The following ZDHHC3 variants were observed in gnomAD, a reference collection of about 807,000 sequenced individuals.
The protein encoded by ZDHHC3 is zDHHC palmitoyltransferase 3.
Under a neutral mutation model 30.6 loss-of-function variants are expected in ZDHHC3, and 9 were observed. The ratio of observed to expected loss-of-function variants is 0.29; its 90% confidence interval spans 0.18 to 0.51. ZDHHC3 has a LOEUF of 0.51. ZDHHC3 is among the 20% of genes least tolerant of loss of function. ZDHHC3 has a pLI of 0.97. For missense variants in ZDHHC3, 246 were observed against 384.2 expected (o/e 0.64, Z 3.01); for synonymous variants, 136 against 140.2 (o/e 0.97, Z 0.21).
At chr3:44,975,054 A>ATTT (rs75953495) in intron 1 of ZDHHC3, among the ~76,000 whole-genome samples, 15 of 144,596 alleles carry the variant, frequency 1.0e-4, no homozygotes, top group South Asian at 2.2e-4. Flanking sequence ...GATAAATACC[A>ATTT]TTTTTTTTTT....
chr3:44,936,785 G>GA (rs1246693612), intron 3 of ZDHHC3, among the ~76,000 whole-genome samples: 1 of 152,080 alleles, frequency 6.6e-6, no homozygotes, highest in Admixed American at 6.5e-5. Context: ...CCTGGGTGAT[G>GA]AAATAATATG....
rs1369664513 is a variant in ZDHHC3, at chr3:44,965,092, T to C, written c.-24-5632A>G. 7.2e-5 allele frequency among the ~76,000 whole-genome samples: 11 copies of C among 152,012 alleles called. No homozygotes were observed. In the South Asian group the frequency reaches 1.2e-3, roughly 17 times the overall value. On this transcript the variant is annotated intron_variant, in intron 1 of 6. Transcript: ENST00000424952. ...TGTCAAAATGATGATCTGAGCTCTG[T>C]GAGGGGCAGTGTGTGGGAAGTCAAA...
At position 44,919,111 on chromosome 3, in the gene ZDHHC3, TA is replaced by T. The variant is rs1700418097; in HGVS notation, c.*7577del. 1 of 984,864 alleles carries T rather than the reference TA, an allele frequency of 1.0e-6. No homozygotes were observed. The highest frequency in any genetic ancestry group is 1.2e-6 in the Non-Finnish European group (1 of 829,458). The allele number at this position is 984,864 out of a possible 1,614,324, so 61.0% of individuals were successfully genotyped here. On this transcript the variant is annotated 3_prime_UTR_variant, in exon 7 of 7. Coordinates refer to ENST00000424952, the MANE Select transcript of ZDHHC3 (RefSeq NM_001135179.2). ...CTTGACTTTTGAATAAATTCTAAGT[TA>T]AAAAAATTGGATCTCAAAAGTATAT...
At chr3:44,935,832 A>G (rs1701915098) in intron 3 of ZDHHC3, among the ~76,000 whole-genome samples, 1 of 152,126 alleles carries the variant, frequency 6.6e-6, no homozygotes, top group Admixed American at 6.5e-5. Context: ...TTGATGCTGG[A>G]CCCCTTCCTT....
rs116850602 is a variant in ZDHHC3, at chr3:44,915,960, G to C, written c.*10729C>G. Reference sequence around the variant, plus strand: ...TGCTTCTGGGTTAGGACAACAAATAGGGGGCCCTACAGTCAGAGCAGCTCT... The same window carrying C: ...TGCTTCTGGGTTAGGACAACAAATACGGGGCCCTACAGTCAGAGCAGCTCT... On this transcript the variant is annotated 3_prime_UTR_variant, in exon 7 of 7. Transcript: ENST00000424952. 6.6e-6 allele frequency: 1 copy of C among 152,192 alleles called. No homozygotes were observed. The highest frequency in any genetic ancestry group is 2.4e-5 in the African/African-American group (1 of 41,444). The allele number at this position is 152,192 out of a possible 1,614,324, so 9.4% of individuals were successfully genotyped here. A position where few individuals can be genotyped will look rare whatever the true frequency, so the allele number is the denominator to read the frequency against.
Position 44,921,625 on chromosome 3 carries a change from A to G in ZDHHC3, c.*5064T>C. The G allele has an allele frequency of 1.0e-6, 1 of 984,682 alleles. No homozygotes were observed. Among genetic ancestry groups the G allele is most frequent in the African/African-American group, 1.7e-5 (1 of 57,360 alleles). The allele number at this position is 984,682 out of a possible 1,614,324, so 61.0% of individuals were successfully genotyped here. ...CAGCTAACATTTATAAAGCCATACC[A>G]GGGCCAGACGCTATACATTCCTATT... On this transcript the variant is annotated 3_prime_UTR_variant, in exon 7 of 7. Transcript: ENST00000424952.
intron 1 of ZDHHC3, chr3:44,975,106 C>T (rs1280036013): frequency 6.7e-6 from 1 of 150,182 alleles, no homozygotes; most frequent in Non-Finnish European, 1.5e-5. Flanking sequence ...TCAGGAAAGT[C>T]ATCAGAATTG....
chr3:44,963,662 C>G (rs1472900095), intron 1 of ZDHHC3, among the ~76,000 whole-genome samples: 1 of 152,196 alleles, frequency 6.6e-6, no homozygotes, highest in Non-Finnish European at 1.5e-5. Flanking sequence ...CAAGGACCCA[C>G]CTCCCTACAA....
chr3:44,923,866 A>C lies in ZDHHC3; in HGVS notation c.*2823T>G. ...TGGTGGGACTAAAAGGAGATTTAGC[A>C]CATGCACTTCTACCCAAATGTGTTT... is the stretch of plus-strand genomic sequence containing the variant. On this transcript the variant is annotated 3_prime_UTR_variant, in exon 7 of 7. Transcript: ENST00000424952. The C allele has an allele frequency of 1.0e-6, 1 of 985,472 alleles. No individual in the cohort carries two copies. The highest frequency in any genetic ancestry group is 1.2e-6 in the Non-Finnish European group (1 of 829,936). 61.0% of individuals were successfully genotyped at this position (985,472 alleles called of 1,614,324 possible). A position where few individuals can be genotyped will look rare whatever the true frequency, so the allele number is the denominator to read the frequency against.
intron 6 of ZDHHC3, among the ~76,000 whole-genome samples, chr3:44,928,682 A>G (rs926575124): frequency 6.6e-6 from 1 of 152,218 alleles, no homozygotes; most frequent in Non-Finnish European, 1.5e-5. Flanking sequence ...AGTAGGCCCC[A>G]GTCTGGCACA....
rs553930130 is a variant in ZDHHC3 at position 44,972,223 on chromosome 3, G to A, written c.-25+3710C>T. Among the ~76,000 whole-genome samples the A allele has an allele frequency of 5.9e-5, 9 of 152,298 alleles. No homozygotes were observed. The South Asian group carries it at 1.9e-3, about 32-fold the overall frequency. On this transcript the variant is annotated intron_variant, in intron 1 of 6. Coordinates refer to ENST00000424952, the MANE Select transcript of ZDHHC3 (RefSeq NM_001135179.2). ...CATGCCCATAATCACAGCACTTTGG[G>A]AGGCCAAGGCAGGCAGATCTCTTGA...
At chr3:44,975,660 A>G (rs1262076014) in intron 1 of ZDHHC3, among the ~76,000 whole-genome samples, 2 of 151,354 alleles carry the variant, frequency 1.3e-5, no homozygotes, top group African/African-American at 4.9e-5. Context: ...CTCTCCAGCC[A>G]TCCTAGGGAC....
chr3:44,933,266 C>A, intron 4 of ZDHHC3, 67 bp from the exon 5 acceptor site: 1 of 1,479,384 alleles, frequency 6.8e-7, no homozygotes, highest in East Asian at 2.3e-5. Flanking sequence ...GCTCCCGGGA[C>A]AGGGGCACTC....
At position 44,922,504 on chromosome 3, in the gene ZDHHC3, T is replaced by G. The variant is rs1700665162; in HGVS notation, c.*4185A>C. 1 of 985,258 alleles carries G rather than the reference T, an allele frequency of 1.0e-6. No individual in the cohort carries two copies. The highest frequency in any genetic ancestry group is 1.2e-6 in the Non-Finnish European group (1 of 829,930). The allele number at this position is 985,258 out of a possible 1,614,324, so 61.0% of individuals were successfully genotyped here. The stretch of plus-strand genomic sequence containing the variant: ...AGTTGTTTGTTGGGGAGGCCGCAGC[T>G]TATGAGGGAAGGCAGTCTCAGTGGC... On this transcript the variant is annotated 3_prime_UTR_variant, in exon 7 of 7. Transcript: ENST00000424952.
chr3:44,952,719 C>A (rs930953815), intron 2 of ZDHHC3, among the ~76,000 whole-genome samples: 2 of 152,226 alleles, frequency 1.3e-5, no homozygotes, highest in Non-Finnish European at 2.9e-5. Flanking sequence ...CAAACCCTCA[C>A]CCGCTCCAAC....
chr3:44,931,267 C>T (rs995587344), intron 5 of ZDHHC3, among the ~76,000 whole-genome samples: 7 of 152,220 alleles, frequency 4.6e-5, no homozygotes, highest in African/African-American at 9.6e-5. Context: ...CATGGGGGTG[C>T]CTGCTGGACA....
intron 1 of ZDHHC3, among the ~76,000 whole-genome samples, chr3:44,971,330 A>G (rs1705385148): frequency 6.6e-6 from 1 of 152,268 alleles, no homozygotes; most frequent in African/African-American, 2.4e-5. Context: ...GACATTTCCC[A>G]TGCATTCCAA....
In ZDHHC3 at chr3:44,922,103, G is replaced by A. The variant is rs1458604293; in HGVS notation, c.*4586C>T. ...AAAAGAAGGTTCAGGTTGGGAGTAC[G>A]CTGGTCAGTGGCTTGTTTCTGCTTC... On this transcript the variant is annotated 3_prime_UTR_variant, in exon 7 of 7. Transcript: ENST00000424952. 4.1e-6 allele frequency: 4 copies of A among 985,466 alleles called. No individual in the cohort carries two copies. The highest frequency in any genetic ancestry group is 5.2e-4 in the Middle Eastern group (1 of 1,914). 61.0% of individuals were successfully genotyped at this position (985,466 alleles called of 1,614,324 possible).
At chr3:44,971,714 C>T (rs1352178423) in intron 1 of ZDHHC3, among the ~76,000 whole-genome samples, 1 of 152,134 alleles carries the variant, frequency 6.6e-6, no homozygotes, top group Non-Finnish European at 1.5e-5. Flanking sequence ...CAAAATGAAA[C>T]ACACATGAAG....
Sources: allele counts gnomAD v4.1 joint callset (sites outside exome capture counted in the v4.1 genomes callset), GRCh38; gene constraint gnomAD v4.1.1; transcripts MANE v1.5; gene names NCBI Gene and HGNC (gene_info 2026-07-23, HGNC 2026-07-21).